Variants in STON2 observed in about 807,000 individuals in gnomAD.
STON2 encodes the protein stonin 2.
Under a neutral mutation model 65.7 loss-of-function variants are expected in STON2, and 29 were observed. The observed-to-expected ratio is 0.44, with a 90% CI of 0.33 to 0.60. STON2 has a LOEUF of 0.60. STON2 is among the 20% of genes least tolerant of loss of function. The probability of loss-of-function intolerance (pLI) is 0.03; values close to 1 mark genes in which losing one functional copy is unlikely to be tolerated. For synonymous variants in STON2, 404 were observed against 414.2 expected (o/e 0.98, Z 0.30); for missense variants, 1,054 against 1,118.1 (o/e 0.94, Z 0.82).
rs549422374 is a variant in STON2 at position 81,354,646 on chromosome 14, C to T, written c.571+16342G>A. Among the ~76,000 whole-genome samples the T allele has an allele frequency of 1.4e-4, 22 of 152,046 alleles. No homozygotes were observed. In the South Asian group the frequency reaches 3.1e-3, roughly 21 times the overall value. The stretch of plus-strand genomic sequence containing the variant: ...TAAAATTTGGAAAATTATACATGAA[C>T]GAGAATTTTGACAAAAAAATAGAAA... On this transcript the variant is annotated intron_variant, in intron 4 of 7. Transcript: ENST00000614646.
chr14:81,271,386 T>A (rs1266482089), intron 6 of STON2, among the ~76,000 whole-genome samples: 1 of 152,218 alleles, frequency 6.6e-6, no homozygotes, highest in Non-Finnish European at 1.5e-5. Context: ...AAGGACTTTA[T>A]AAATAGCACA....
At chr14:81,323,610 T>C (rs1156787319) in intron 5 of STON2, 1 of 152,194 alleles carries the variant, frequency 6.6e-6, no homozygotes, top group East Asian at 1.9e-4. Context: ...ATCACCTTGG[T>C]CTATTACAAA....
rs556293014 is a variant in STON2 at position 81,379,909 on chromosome 14, G to A, written c.374-8724C>T. ...TAAAAACCCTAGAAGAAAATGTAGG[G>A]AATACCATTCTGGACATTGGCCCTA... is the stretch of plus-strand genomic sequence containing the variant. On this transcript the variant is annotated intron_variant, in intron 3 of 7. Transcript: ENST00000614646. Among the ~76,000 whole-genome samples the A allele has an allele frequency of 3.3e-5, 5 of 152,128 alleles. No individual in the cohort carries two copies. In the South Asian group the frequency reaches 1.0e-3, roughly 32 times the overall value.
chr14:81,287,520 C>T (rs1895382878), intron 5 of STON2, among the ~76,000 whole-genome samples: 1 of 152,190 alleles, frequency 6.6e-6, no homozygotes, highest in African/African-American at 2.4e-5. Flanking sequence ...TGCGCACCTT[C>T]TTCAAATGAC....
At chr14:81,421,788 G>A (rs1035352578) in intron 2 of STON2, among the ~76,000 whole-genome samples, 10 of 152,304 alleles carry the variant, frequency 6.6e-5, no homozygotes, top group Non-Finnish European at 1.0e-4. Flanking sequence ...TGATGGGCCC[G>A]TGGGACAACC....
Position 81,263,462 on chromosome 14 carries a change from C to T in STON2, c.*4952G>A, listed in dbSNP as rs1250099317. Among the ~76,000 whole-genome samples the T allele has an allele frequency of 7.7e-6, 1 of 130,170 alleles. No homozygotes were observed. Among genetic ancestry groups the T allele is most frequent in the Non-Finnish European group, 1.6e-5 (1 of 63,980 alleles). 85.4% of individuals were successfully genotyped at this position (130,170 alleles called of 152,430 possible). A position where few individuals can be genotyped will look rare whatever the true frequency, so the allele number is the denominator to read the frequency against. On this transcript the variant is annotated 3_prime_UTR_variant, in exon 8 of 8. Transcript: ENST00000614646. ...TTGAGGCAGGAGAATCACTTGAACC[C>T]GGGAGGCGGAGGTTGCAGTGAGCCG...
intron 1 of STON2, among the ~76,000 whole-genome samples, chr14:81,430,617 T>C (rs552319588): frequency 4.6e-5 from 7 of 152,320 alleles, no homozygotes; most frequent in African/African-American, 7.2e-5. Context: ...CCTGCCCTAC[T>C]ATTATGTATC....
chr14:81,396,993 G>C (rs1481339082), intron 2 of STON2, among the ~76,000 whole-genome samples: 3 of 152,158 alleles, frequency 2.0e-5, no homozygotes, highest in Admixed American at 1.3e-4. Context: ...AGGAGGCGGA[G>C]GTTGCAGTGA....
intron 2 of STON2, among the ~76,000 whole-genome samples, chr14:81,396,868 G>A (rs1004649624): frequency 1.3e-5 from 2 of 152,156 alleles, no homozygotes; most frequent in South Asian, 2.1e-4. Flanking sequence ...AGACCAGCCT[G>A]ACCAACATGG....
chr14:81,374,809 G>A (rs554564278), intron 3 of STON2, among the ~76,000 whole-genome samples: 5 of 151,792 alleles, frequency 3.3e-5, no homozygotes, highest in Admixed American at 2.6e-4. Flanking sequence ...TGGTAGAGGG[G>A]CAATATTTGA....
rs1210133523 is a variant in STON2, at chr14:81,308,824, ATGTG to A, written c.742+15189_742+15192del. ...TATATATATATATATATATATATAT[ATGTG>A]TGTGTGTGTATATATATATATATAC... On this transcript the variant is annotated intron_variant, in intron 5 of 7. Coordinates refer to ENST00000614646, the MANE Select transcript of STON2 (RefSeq NM_001394390.1). Among the ~76,000 whole-genome samples, 24 of 10,440 alleles carry A rather than the reference ATGTG, an allele frequency of 2.3e-3. No individual in the cohort carries two copies. The East Asian group carries it at 0.031, about 13-fold the overall frequency. The allele number at this position is 10,440 out of a possible 152,430, so 6.8% of individuals were successfully genotyped here.
intron 2 of STON2, among the ~76,000 whole-genome samples, chr14:81,415,759 T>A (rs1445155721): frequency 4.6e-5 from 7 of 152,050 alleles, no homozygotes; most frequent in Non-Finnish European, 7.4e-5. Context: ...TCTATGTATA[T>A]GATTATACAC....
At chr14:81,328,411 C>T (rs991872875) in intron 4 of STON2, among the ~76,000 whole-genome samples, 6 of 152,166 alleles carry the variant, frequency 3.9e-5, no homozygotes, top group African/African-American at 1.2e-4. Context: ...AAAGTAAGTA[C>T]TACTGGTAAC....
intron 4 of STON2, among the ~76,000 whole-genome samples, chr14:81,343,358 CA>C (rs1344729806): frequency 2.6e-5 from 4 of 152,272 alleles, no homozygotes; most frequent in African/African-American, 9.6e-5. Context: ...CCAATTTGTA[CA>C]AACAAATCAG....
At chr14:81,382,180 C>T (rs1899554620) in intron 3 of STON2, among the ~76,000 whole-genome samples, 1 of 151,794 alleles carries the variant, frequency 6.6e-6, no homozygotes, top group Non-Finnish European at 1.5e-5. Context: ...GATCGTGCCA[C>T]TGCATTCCAG....
chr14:81,401,025 T>C (rs1900586858), upstream of STON2, among the ~76,000 whole-genome samples: 1 of 152,180 alleles, frequency 6.6e-6, no homozygotes, highest in East Asian at 1.9e-4. Flanking sequence ...TCCAAACCAA[T>C]GTTAGCCATC....
At position 81,278,642 on chromosome 14, in the gene STON2, T is replaced by C. The variant is rs2140124244; in HGVS notation, c.840A>G (p.Pro280=). The C allele has an allele frequency of 6.4e-7, 1 of 1,570,078 alleles. No individual in the cohort carries two copies. The highest frequency in any genetic ancestry group is 2.2e-5 in the East Asian group (1 of 44,456). ...SPAMNGHPAP[P]VTSARFPSWV... is the part of the protein sequence containing the mutation. ...AGCTGGGAAAACGAGCAGAGGTCAC[T>C]GGAGGGGCAGGGTGCCCATTCATGG... The change falls in exon 6 of 8, where the codon CCA becomes CCG. Residue 280 remains proline, a synonymous_variant. Coordinates refer to ENST00000614646, the MANE Select transcript of STON2 (RefSeq NM_001394390.1).
intron 3 of STON2, among the ~76,000 whole-genome samples, chr14:81,381,083 G>A (rs550042601): frequency 1.3e-5 from 2 of 152,184 alleles, no homozygotes; most frequent in Non-Finnish European, 2.9e-5. Flanking sequence ...ATATTTATAA[G>A]TATTCATGTT....
chr14:81,385,285 A>G (rs948693302), intron 3 of STON2, among the ~76,000 whole-genome samples: 1 of 152,206 alleles, frequency 6.6e-6, no homozygotes, highest in Non-Finnish European at 1.5e-5. Context: ...TAGATACTGG[A>G]AAGAGTTATT....
Sources: allele counts gnomAD v4.1 joint callset (sites outside exome capture counted in the v4.1 genomes callset), GRCh38; gene constraint gnomAD v4.1.1; transcripts MANE v1.5; gene names NCBI Gene and HGNC (gene_info 2026-07-23, HGNC 2026-07-21).